Variants in HAPLN1 observed in about 807,000 individuals in gnomAD.
HAPLN1 encodes Cartilage link protein.
In HAPLN1, 13 loss-of-function variants were observed where a neutral mutation model predicts 36.5. That is an observed-to-expected ratio of 0.36 (90% confidence interval 0.23 to 0.57). HAPLN1 has a LOEUF of 0.57. Among genes scored for constraint, HAPLN1 ranks in the 20% least tolerant of loss-of-function variants. The pLI is 0.83. For synonymous variants in HAPLN1, 202 were observed against 169.8 expected (o/e 1.19, Z -1.48); for missense variants, 407 against 439.7 (o/e 0.93, Z 0.66).
At chr5:83,643,396 T>C (rs1387331863) in intron 4 of HAPLN1, among the ~76,000 whole-genome samples, 1 of 143,910 alleles carries the variant, frequency 6.9e-6, no homozygotes, top group East Asian at 2.0e-4. Context: ...CCCTGACCCA[T>C]AATCTCTTTC....
intron 1 of HAPLN1, among the ~76,000 whole-genome samples, chr5:83,686,910 T>C (rs1751140456): frequency 6.6e-6 from 1 of 152,140 alleles, no homozygotes; most frequent in Non-Finnish European, 1.5e-5. Flanking sequence ...TCTCCATTCC[T>C]GAATTTCAAG....
intron 1 of HAPLN1, among the ~76,000 whole-genome samples, chr5:83,703,295 T>A (rs1194943522): frequency 6.6e-6 from 1 of 152,202 alleles, no homozygotes; most frequent in East Asian, 1.9e-4. Context: ...AGTTTACTAA[T>A]CATCTCCTCA....
intron 1 of HAPLN1, among the ~76,000 whole-genome samples, chr5:83,692,381 AAGGAAGAAAAAGACCC>A (rs1246218202): frequency 6.6e-6 from 1 of 151,930 alleles, no homozygotes; most frequent in African/African-American, 2.4e-5. Context: ...ATCTGAAAGA[AAGGAAGAAAAAGACCC>A]ATTATTCACA....
At chr5:83,651,737 T>A (rs571917031) in intron 3 of HAPLN1, among the ~76,000 whole-genome samples, 3 of 152,086 alleles carry the variant, frequency 2.0e-5, no homozygotes, top group Non-Finnish European at 4.4e-5. Flanking sequence ...AAATAAGGTG[T>A]CCTGTGATCC....
intron 3 of HAPLN1, chr5:83,652,234 A>T (rs929371673): frequency 2.2e-6 from 1 of 455,652 alleles, no homozygotes; most frequent in Admixed American, 3.9e-5. Flanking sequence ...TCTCCTAGTT[A>T]CAAATAGCTT....
chr5:83,701,691 A>C (rs569905714), intron 1 of HAPLN1, among the ~76,000 whole-genome samples: 2 of 152,326 alleles, frequency 1.3e-5, no homozygotes, highest in African/African-American at 4.8e-5. Flanking sequence ...TAATCCCAGC[A>C]CTTTGGGAGG....
rs775357799 is a variant in HAPLN1 at position 83,641,466 on chromosome 5, C to T, written c.*30G>A. The T allele has an allele frequency of 1.3e-6, 2 of 1,543,316 alleles. No homozygotes were observed. The highest frequency in any genetic ancestry group is 8.7e-7 in the Non-Finnish European group (1 of 1,143,736). On this transcript the variant is annotated 3_prime_UTR_variant, in exon 5 of 5. Coordinates refer to ENST00000274341, the MANE Select transcript of HAPLN1 (RefSeq NM_001884.4). ...AACACCTTTCACATGTTCTTAATGA[C>T]TTTAAAACTGATGCGCTCTAAGGGC...
At chr5:83,685,978 AAGTTCTCGAAGTCCATTTGT>A (rs1258327622) in intron 1 of HAPLN1, 2 of 152,022 alleles carry the variant, frequency 1.3e-5, no homozygotes, top group Admixed American at 1.3e-4. Flanking sequence ...ATTTCCACAC[AAGTTCTCGAAGTCCATTTGT>A]AGGAGAACAT....
At chr5:83,674,533 C>T (rs1187703473) in intron 1 of HAPLN1, 2 of 152,172 alleles carry the variant, frequency 1.3e-5, no homozygotes, top group African/African-American at 4.8e-5. Context: ...AACCTTATAA[C>T]CTTTGCAGTA....
In HAPLN1 at chr5:83,693,356, G is replaced by A. The variant is rs115815218; in HGVS notation, c.-26-19807C>T. ...GACTCATAACTAATAAACCGACAAAGGAGACAGAATGGAATTTTTGGAAAA... is the reference window on the plus strand; with the variant it reads ...GACTCATAACTAATAAACCGACAAAAGAGACAGAATGGAATTTTTGGAAAA... On this transcript the variant is annotated intron_variant, in intron 1 of 4. Transcript: ENST00000274341. Among the ~76,000 whole-genome samples the A allele has an allele frequency of 4.9e-3, 737 of 151,774 alleles. 7 individuals carry two copies. The highest frequency in any genetic ancestry group is 0.016 in the African/African-American group (645 of 41,464).
chr5:83,709,425 G>A (rs573225932), intron 1 of HAPLN1, among the ~76,000 whole-genome samples: 56 of 152,078 alleles, frequency 3.7e-4, no homozygotes, highest in Non-Finnish European at 6.5e-4. Flanking sequence ...TTACTATCTT[G>A]GCTTTTTCGG....
At chr5:83,696,568 G>T (rs143702188) in intron 1 of HAPLN1, among the ~76,000 whole-genome samples, 186 of 152,160 alleles carry the variant, frequency 1.2e-3, no homozygotes, top group African/African-American at 4.4e-3. Flanking sequence ...TTGCAATGTG[G>T]TATACAAAAA....
intron 1 of HAPLN1, among the ~76,000 whole-genome samples, chr5:83,688,424 G>T (rs1751188200): frequency 2.0e-5 from 3 of 152,236 alleles, no homozygotes; most frequent in South Asian, 2.1e-4. Flanking sequence ...ACCCACAATA[G>T]ATCTGGCATG....
rs1749647777 is a variant in HAPLN1, at chr5:83,640,371, C to G, written c.*1125G>C. ...GCAAGGAAAGTGACATCATTAACCA[C>G]ATTTTCTGTTTGGGATAAGGTTTAG... On this transcript the variant is annotated 3_prime_UTR_variant, in exon 5 of 5. Transcript: ENST00000274341. 6.6e-6 allele frequency: 1 copy of G among 152,074 alleles called. No individual in the cohort carries two copies. Among genetic ancestry groups the G allele is most frequent in the Non-Finnish European group, 1.5e-5 (1 of 67,962 alleles). The allele number at this position is 152,074 out of a possible 1,614,324, so 9.4% of individuals were successfully genotyped here.
chr5:83,661,530 T>C (rs11950853), intron 2 of HAPLN1, among the ~76,000 whole-genome samples: 106,334 of 148,596 alleles, frequency 0.72, 38,782 homozygotes, highest in African/African-American at 0.87. Flanking sequence ...CTGCAAGCTC[T>C]GCCTCCCGGG....
chr5:83,696,191 A>C (rs1751385854), intron 1 of HAPLN1, among the ~76,000 whole-genome samples: 1 of 152,170 alleles, frequency 6.6e-6, no homozygotes, highest in Admixed American at 6.5e-5. Flanking sequence ...TATTTAGGGA[A>C]AAATAGCCAA....
intron 1 of HAPLN1, among the ~76,000 whole-genome samples, chr5:83,704,504 A>G (rs1177581355): frequency 6.6e-6 from 1 of 152,218 alleles, no homozygotes; most frequent in African/African-American, 2.4e-5. Flanking sequence ...TGCCTTCAAG[A>G]GAGATACCTC....
At chr5:83,653,578 T>C (rs1750135144) in intron 2 of HAPLN1, among the ~76,000 whole-genome samples, 1 of 152,260 alleles carries the variant, frequency 6.6e-6, no homozygotes, top group South Asian at 2.1e-4. Context: ...ACTTATTTGC[T>C]TCTTTACTCC....
intron 1 of HAPLN1, among the ~76,000 whole-genome samples, chr5:83,677,386 T>C (rs1750884426): frequency 6.6e-6 from 1 of 152,154 alleles, no homozygotes; most frequent in Non-Finnish European, 1.5e-5. Context: ...TTAGCCAGTC[T>C]TGCACCTCCT....
Sources: allele counts gnomAD v4.1 joint callset (sites outside exome capture counted in the v4.1 genomes callset), GRCh38; gene constraint gnomAD v4.1.1; transcripts MANE v1.5; gene names NCBI Gene and HGNC (gene_info 2026-07-23, HGNC 2026-07-21).